Variants in RBM6 observed in about 807,000 individuals in gnomAD.
The protein encoded by RBM6 is RNA binding motif protein 6, also known as RNA-binding protein 6.
In RBM6, 23 loss-of-function variants were observed where a neutral mutation model predicts 140.4. The ratio of observed to expected loss-of-function variants is 0.16; its 90% CI spans 0.12 to 0.23. The LOEUF is 0.23. Ranked by LOEUF, RBM6 falls within the 10% of genes least tolerant of loss-of-function variation. The probability of loss-of-function intolerance (pLI) is 1.00; values close to 1 mark genes in which losing one functional copy is unlikely to be tolerated. For missense variants in RBM6, 1,139 were observed against 1,386.7 expected (o/e 0.82, Z 2.84); for synonymous variants, 439 against 475.6 (o/e 0.92, Z 1.00).
intron 5 of RBM6, among the ~76,000 whole-genome samples, chr3:49,987,401 C>T (rs1486017402): frequency 1.3e-5 from 2 of 151,758 alleles, no homozygotes; most frequent in Admixed American, 1.3e-4. Context: ...TTGCAACCTC[C>T]ACCTCCCAGA....
intron 1 of RBM6, among the ~76,000 whole-genome samples, chr3:49,958,326 TG>T (rs2084104054): frequency 6.6e-6 from 1 of 150,654 alleles, no homozygotes; most frequent in East Asian, 2.0e-4. Flanking sequence ...GAGGCTGAGG[TG>T]GGTGGATCAC....
chr3:50,061,813 A>G, intron 14 of RBM6, 149 bp from the exon 15 acceptor site: 1 of 1,272,002 alleles, frequency 7.9e-7, no homozygotes, highest in Non-Finnish European at 1.1e-6. Context: ...TGGTCCCTGG[A>G]GTGGGTTTTT....
At chr3:50,058,143 C>A in intron 9 of RBM6, 140 bp downstream of exon 9, 1 of 1,122,882 alleles carries the variant, frequency 8.9e-7, no homozygotes, top group Non-Finnish European at 1.2e-6. Context: ...CCATTGCTGT[C>A]TGTGGACCTT....
intron 1 of RBM6, among the ~76,000 whole-genome samples, chr3:49,952,081 C>G (rs1373957048): frequency 1.3e-5 from 2 of 151,712 alleles, no homozygotes; most frequent in Non-Finnish European, 2.9e-5. Context: ...GTCACCCAGG[C>G]TAGAATGCAG....
At chr3:49,985,643 G>C (rs949497008) in intron 5 of RBM6, among the ~76,000 whole-genome samples, 4 of 152,114 alleles carry the variant, frequency 2.6e-5, no homozygotes, top group Admixed American at 6.6e-5. Flanking sequence ...GCCTCACTCT[G>C]TCGCCCAGGC....
intron 6 of RBM6, among the ~76,000 whole-genome samples, chr3:50,009,749 C>G (rs1575678955): frequency 6.6e-6 from 1 of 151,762 alleles, no homozygotes; most frequent in East Asian, 1.9e-4. Flanking sequence ...AGGGGAGGTA[C>G]AGATGAGATC....
At chr3:49,994,371 G>T (rs2085971840) in intron 5 of RBM6, among the ~76,000 whole-genome samples, 1 of 152,252 alleles carries the variant, frequency 6.6e-6, no homozygotes, top group South Asian at 2.1e-4. Flanking sequence ...CCTCGCATGA[G>T]ATTTTAACAG....
In RBM6 at chr3:50,077,026, G is replaced by A. The variant is rs1172163037; in HGVS notation, c.3265G>A (p.Gly1089Ser). The change falls in exon 21 of 21, where the codon GGC becomes AGC. Residue 1089 changes from glycine to serine, a missense_variant. Transcript: ENST00000266022. The stretch of plus-strand genomic sequence containing the variant: ...TTTACAGGCTGAAGGCCGGATGAGG[G>A]GCCCCAGTGTTGGAGCCTCAGGAAG... ...SSEEAEGRMR[G>S]PSVGASGRTS... The A allele has an allele frequency of 6.2e-7, 1 of 1,611,492 alleles. No individual in the cohort carries two copies. The highest frequency in any genetic ancestry group is 1.1e-5 in the South Asian group (1 of 90,722).
intron 17 of RBM6, 42 bp from the exon 18 acceptor site, chr3:50,068,648 T>C: frequency 6.3e-7 from 1 of 1,579,538 alleles, no homozygotes; most frequent in Non-Finnish European, 8.7e-7. Flanking sequence ...CTAGGACCAT[T>C]GTTTCTTAGA....
intron 6 of RBM6, among the ~76,000 whole-genome samples, chr3:50,006,996 A>G (rs2086612339): frequency 6.6e-6 from 1 of 151,724 alleles, no homozygotes; most frequent in Non-Finnish European, 1.5e-5. Flanking sequence ...TGTTGTTTTC[A>G]CACAACTTCT....
At chr3:50,062,755 C>T (rs6793528) in intron 15 of RBM6, among the ~76,000 whole-genome samples, 1 of 151,790 alleles carries the variant, frequency 6.6e-6, no homozygotes, top group African/African-American at 2.4e-5. Flanking sequence ...ACTTTTTATC[C>T]TAAGTATTTT....
In RBM6 at chr3:50,062,042, G is replaced by A; in HGVS notation, c.2520G>A (p.Lys840=). The change falls in exon 15 of 21, where the codon AAG becomes AAA. Residue 840 remains lysine, a synonymous_variant. Transcript: ENST00000266022. ...AAAAAAAACCCACCAGTCAAGGAAA[G>A]TCAAGTAGCAAGAAGGAAATGTCTA... The part of the protein sequence containing the change: ...IKEKKPTSQG[K]SSSKKEMSKR... The A allele has an allele frequency of 1.2e-6, 2 of 1,614,096 alleles. No homozygotes were observed. Among genetic ancestry groups the A allele is most frequent in the Non-Finnish European group, 1.7e-6 (2 of 1,179,994 alleles).
intron 7 of RBM6, among the ~76,000 whole-genome samples, chr3:50,048,627 G>A (rs1464681800): frequency 1.3e-5 from 2 of 152,082 alleles, no homozygotes; most frequent in African/African-American, 2.4e-5. Context: ...CCTCTCCTGG[G>A]GGTGGTCATA....
Position 49,975,978 on chromosome 3 carries a change from A to G in RBM6, c.1483+586A>G, listed in dbSNP as rs565832652. On this transcript the variant is annotated intron_variant, in intron 5 of 20. Coordinates refer to ENST00000266022, the MANE Select transcript of RBM6 (RefSeq NM_005777.3). The stretch of plus-strand genomic sequence containing the variant: ...CTCCTAGTTGTATTTCACAGTACCA[A>G]TTTCAGTCATTTCCTTTAAATCTTA... Among the ~76,000 whole-genome samples, 6 of 152,302 alleles carry G rather than the reference A, an allele frequency of 3.9e-5. No homozygotes were observed. In the East Asian group the frequency reaches 1.2e-3, roughly 29 times the overall value.
In RBM6 at chr3:49,967,805, A is replaced by T; in HGVS notation, c.380A>T (p.Asp127Val). Residue 127 changes from aspartate to valine, a missense_variant, in exon 3 of 21, where the codon GAT (aspartate) becomes GTT (valine). Physicochemically the swap from Asp to Val is radical, Grantham distance 152 (BLOSUM62 -3). This residue lies in a region of RBM6 where 566 missense variants were observed against 612.7 expected (regional missense o/e 0.92). Transcript: ENST00000266022. The surrounding 1 kb of genome is among the most constrained non-coding windows in gnomAD (Gnocchi z 4.0). ...GRDIHSGDFRDREGPPMDYRG... is the reference protein window; with the variant it reads ...GRDIHSGDFRVREGPPMDYRG... Reference sequence around the variant, plus strand: ...GACATACATTCTGGGGATTTTCGGGATAGAGAAGGACCACCTATGGACTAT... The same window carrying T: ...GACATACATTCTGGGGATTTTCGGGTTAGAGAAGGACCACCTATGGACTAT... 3 of 1,614,060 alleles carry T rather than the reference A, an allele frequency of 1.9e-6. No homozygotes were observed. The highest frequency in any genetic ancestry group is 2.5e-6 in the Non-Finnish European group (3 of 1,180,014).
At chr3:49,969,456 T>C (rs2108637743) in intron 3 of RBM6, among the ~76,000 whole-genome samples, 1 of 147,370 alleles carries the variant, frequency 6.8e-6, no homozygotes, top group South Asian at 2.1e-4. Context: ...TATATATGTG[T>C]GTGTGTGTGT....
chr3:50,059,698 G>A lies in RBM6; in HGVS notation c.2180G>A (p.Ser727Asn). ...TTACAGAACCTTGATCCGCCATTTA[G>A]CATTGATGGGAAGATGGTAGCTGTA... Reference protein sequence around the residue: ...KILQNLDPPFSIDGKMVAVNL... With the variant: ...KILQNLDPPFNIDGKMVAVNL... The change falls in exon 11 of 21, where the codon AGC becomes AAC. Residue 727 changes from serine to asparagine, a missense_variant. This residue lies in a region of RBM6 where 47 missense variants were observed against 117.6 expected (regional missense o/e 0.40). Coordinates refer to ENST00000266022, the MANE Select transcript of RBM6 (RefSeq NM_005777.3). 6.2e-7 allele frequency: 1 copy of A among 1,613,806 alleles called. No individual in the cohort carries two copies. Among genetic ancestry groups the A allele is most frequent in the Non-Finnish European group, 8.5e-7 (1 of 1,179,886 alleles).
intron 7 of RBM6, among the ~76,000 whole-genome samples, chr3:50,051,776 A>G (rs1166792426): frequency 6.6e-6 from 1 of 152,268 alleles, no homozygotes; most frequent in African/African-American, 2.4e-5. Flanking sequence ...TGGCTGATGG[A>G]TGGATGAACA....
chr3:50,016,552 T>G (rs1443998493), intron 6 of RBM6, among the ~76,000 whole-genome samples: 1 of 152,076 alleles, frequency 6.6e-6, no homozygotes, highest in Non-Finnish European at 1.5e-5. Context: ...ATATCTGTAC[T>G]AATTTACATT....
Sources: gnomAD v4.1 joint callset for allele counts (sites outside exome capture counted in the v4.1 genomes callset) on GRCh38, gnomAD v4.1.1 for gene constraint, gnomAD v4.1.1 regional missense constraint, Gnocchi (gnomAD v3.1) non-coding constraint, MANE v1.5 for transcripts, NCBI Gene and HGNC (gene_info 2026-07-23, HGNC 2026-07-21) for gene names.